SEMA6C: variants seen among roughly 807,000 people sequenced by gnomAD.
SEMA6C encodes semaphorin-6C.
A neutral mutation model predicts 72.9 loss-of-function variants in SEMA6C; 37 were observed. The observed-to-expected ratio is 0.51, with a 90% CI of 0.39 to 0.67. The LOEUF is 0.67. Among genes scored for constraint, SEMA6C ranks in the 30% least tolerant of loss-of-function variants. The probability of loss-of-function intolerance (pLI) is 0.00; values close to 1 mark genes in which losing one functional copy is unlikely to be tolerated. For missense variants in SEMA6C, 1,189 were observed against 1,263.6 expected, an observed-to-expected ratio of 0.94 and a Z score of 0.89; for synonymous variants, 578 against 554.1, an observed-to-expected ratio of 1.04 and a Z score of -0.61.
At chr1:151,142,839 C>T (rs915171071) in intron 2 of SEMA6C, among the ~76,000 whole-genome samples, 164 bp from the exon 3 acceptor site, 1 of 152,186 alleles carries the variant, frequency 6.6e-6, no homozygotes, top group Non-Finnish European at 1.5e-5. Flanking sequence ...GTCATTGTCA[C>T]TCAAGGCCCT....
chr1:151,133,650 C>A lies in SEMA6C; in HGVS notation c.1760-133G>T. On this transcript the variant is annotated intron_variant, in intron 18 of 18. Transcript: ENST00000368914. The surrounding 1 kb of genome is among the most constrained non-coding windows in gnomAD (Gnocchi z 5.9). ...CTGCTACTCAGCCTCACTCCTACAG[C>A]CTCCACCATCCTCAGGATTCACCTC... The A allele has an allele frequency of 7.3e-7, 1 of 1,368,598 alleles. No homozygotes were observed. The highest frequency in any genetic ancestry group is 1.5e-5 in the African/African-American group (1 of 67,830). The allele number at this position is 1,368,598 out of a possible 1,614,324, so 84.8% of individuals were successfully genotyped here. A position where few individuals can be genotyped will look rare whatever the true frequency, so the allele number is the denominator to read the frequency against.
Position 151,137,079 on chromosome 1 carries a change from G to A in SEMA6C, c.757-5C>T. The A allele has an allele frequency of 6.2e-7, 1 of 1,612,496 alleles. No homozygotes were observed. Among genetic ancestry groups the A allele is most frequent in the Non-Finnish European group, 8.5e-7 (1 of 1,179,638 alleles). ...GGCTACGCGGGAGAACTGCACCTAGGGGAGGAGAGTGGAGTAGACAATGGT... is the reference window on the plus strand; with the variant it reads ...GGCTACGCGGGAGAACTGCACCTAGAGGAGGAGAGTGGAGTAGACAATGGT... On this transcript the variant is annotated splice_region_variant and splice_polypyrimidine_tract_variant and intron_variant, in intron 10 of 18. Coordinates refer to ENST00000368914, the MANE Select transcript of SEMA6C (RefSeq NM_030913.6).
intron 3 of SEMA6C, among the ~76,000 whole-genome samples, chr1:151,140,998 GA>G (rs11409006): frequency 5.4e-5 from 8 of 147,446 alleles, no homozygotes; most frequent in African/African-American, 1.0e-4. Context: ...ACTCCGTCTC[GA>G]AAAAAAAAAA....
intron 6 of SEMA6C, 121 bp downstream of exon 6, chr1:151,139,304 C>T: frequency 1.2e-6 from 1 of 825,884 alleles, no homozygotes. Context: ...TTCTCATTTT[C>T]CCCTGTGGCC....
chr1:151,139,570 C>A, intron 5 of SEMA6C, 68 bp downstream of exon 5: 1 of 1,605,638 alleles, frequency 6.2e-7, no homozygotes, highest in Non-Finnish European at 8.5e-7. Flanking sequence ...TTCCCACCCA[C>A]CTGACCCACA....
chr1:151,141,073 T>A (rs1682506000), intron 3 of SEMA6C, among the ~76,000 whole-genome samples: 3 of 152,084 alleles, frequency 2.0e-5, no homozygotes, highest in Admixed American at 1.3e-4. Flanking sequence ...TATATATCCC[T>A]CAACAATTAC....
chr1:151,142,039 T>C (rs1010911380), intron 3 of SEMA6C, among the ~76,000 whole-genome samples: 3 of 122,818 alleles, frequency 2.4e-5, no homozygotes, highest in African/African-American at 6.0e-5. Flanking sequence ...TGAGAGTCCA[T>C]GTTCTTTTTT....
In SEMA6C at chr1:151,138,628, AC is replaced by A. The variant is rs1377023617; in HGVS notation, c.456+1del. The A allele has an allele frequency of 1.2e-6, 2 of 1,612,320 alleles. No individual in the cohort carries two copies. The highest frequency in any genetic ancestry group is 1.7e-6 in the Non-Finnish European group (2 of 1,178,688). ...TCCTAACCCCCACCCTCTCTTTTGT[AC>A]CCCATAGCTGCGGCACACAGGGCTG... is the stretch of plus-strand genomic sequence containing the variant. On this transcript the variant is annotated splice_donor_variant, in intron 7 of 18. Coordinates refer to ENST00000368914, the MANE Select transcript of SEMA6C (RefSeq NM_030913.6). LOFTEE classifies it high-confidence loss of function.
At chr1:151,134,296 G>A (rs1015178841) in intron 18 of SEMA6C, 105 bp downstream of exon 18, 8 of 1,163,412 alleles carry the variant, frequency 6.9e-6, no homozygotes, top group South Asian at 4.0e-5. Context: ...ACCCTTTTCC[G>A]ATACTCCCAG....
rs11204781 is a variant in SEMA6C at position 151,131,818 on chromosome 1, G to A, written c.*666C>T. The A allele has an allele frequency of 0.047, 7,669 of 164,692 alleles. 300 individuals are homozygous for A. Among genetic ancestry groups the A allele is most frequent in the African/African-American group, 0.1 (4,300 of 41,548 alleles). 10.2% of individuals were successfully genotyped at this position (164,692 alleles called of 1,614,324 possible). ...TTACCTCGATCTGGAAACGAGCTCC[G>A]AGGGCCTTCCCCAGCCTCAACTAAA... On this transcript the variant is annotated 3_prime_UTR_variant, in exon 19 of 19. Transcript: ENST00000368914.
intron 12 of SEMA6C, 106 bp from the exon 13 acceptor site, chr1:151,136,269 C>G (rs587723689): frequency 6.6e-7 from 1 of 1,517,690 alleles, no homozygotes; most frequent in African/African-American, 1.4e-5. Context: ...CTTGCTCCCC[C>G]TCCACACAGA....
At chr1:151,139,779 AC>A (rs1179960045) in intron 4 of SEMA6C, 78 bp from the exon 5 acceptor site, 4 of 1,420,762 alleles carry the variant, frequency 2.8e-6, no homozygotes, top group Non-Finnish European at 3.8e-6. Flanking sequence ...TCAGGGACAA[AC>A]AGTGCAGACC....
chr1:151,136,687 G>A (rs1682046291), intron 11 of SEMA6C, 108 bp from the exon 12 acceptor site: 5 of 1,463,968 alleles, frequency 3.4e-6, no homozygotes, highest in South Asian at 2.5e-5. Flanking sequence ...TAGAGACTGA[G>A]GAGGTGGGGC....
chr1:151,142,665 A>G lies in SEMA6C; in HGVS notation c.-44T>C. ...GGCCCCAGGGGGTGCCCCCTCACCCATAAGCCGGCCCTGAAAGGGGAGACA... is the reference window on the plus strand; with the variant it reads ...GGCCCCAGGGGGTGCCCCCTCACCCGTAAGCCGGCCCTGAAAGGGGAGACA... On this transcript the variant is annotated 5_prime_UTR_variant, in exon 3 of 19. The change abolishes an upstream ATG in the 5' untranslated region. Coordinates refer to ENST00000368914, the MANE Select transcript of SEMA6C (RefSeq NM_030913.6). 1.4e-6 allele frequency: 2 copies of G among 1,470,450 alleles called. No individual in the cohort carries two copies. Among genetic ancestry groups the G allele is most frequent in the Non-Finnish European group, 1.8e-6 (2 of 1,111,656 alleles). The allele number at this position is 1,470,450 out of a possible 1,614,324, so 91.1% of individuals were successfully genotyped here. A position where few individuals can be genotyped will look rare whatever the true frequency, so the allele number is the denominator to read the frequency against.
chr1:151,144,012 G>A (rs993436997), intron 2 of SEMA6C, among the ~76,000 whole-genome samples: 5 of 151,958 alleles, frequency 3.3e-5, no homozygotes, highest in African/African-American at 1.2e-4. Context: ...CTGACGTCAG[G>A]TGGGGCCTCA....
rs1228720397 is a variant in SEMA6C, at chr1:151,138,056, A to C, written c.597T>G (p.Ala199=). The C allele has an allele frequency of 6.2e-7, 1 of 1,614,082 alleles. No individual in the cohort carries two copies. The highest frequency in any genetic ancestry group is 8.5e-7 in the Non-Finnish European group (1 of 1,180,048). Residue 199 remains alanine (A), a synonymous_variant, in exon 9 of 19, where the codon GCT becomes GCG. Coordinates refer to ENST00000368914, the MANE Select transcript of SEMA6C (RefSeq NM_030913.6). ...GGGGCCCAAGGCTTCTGTAAACTAC[A>C]GCATCACTGGCCTGGAAATCCGCAG... ...ATAADFQASD[A]VVYRSLGPQP...
intron 3 of SEMA6C, among the ~76,000 whole-genome samples, 184 bp from the exon 4 acceptor site, chr1:151,140,274 G>T (rs1457162743): frequency 1.3e-5 from 2 of 152,140 alleles, no homozygotes; most frequent in African/African-American, 2.4e-5. Context: ...CACTTTACAC[G>T]CATTGTCTCA....
At chr1:151,135,511 C>T in intron 14 of SEMA6C, 80 bp downstream of exon 14, 35 of 1,523,014 alleles carry the variant, frequency 2.3e-5, no homozygotes, top group Non-Finnish European at 3.1e-5. Context: ...GTTGATGTTT[C>T]CAACCTATTC....
intron 7 of SEMA6C, 59 bp downstream of exon 7, chr1:151,138,571 C>T: frequency 3.9e-6 from 6 of 1,536,832 alleles, no homozygotes; most frequent in Non-Finnish European, 5.4e-6. Context: ...CCATCAAACC[C>T]ATTGCCCATC....
Sources: gnomAD v4.1 joint callset for allele counts (sites outside exome capture counted in the v4.1 genomes callset) on GRCh38, gnomAD v4.1.1 for gene constraint, Gnocchi (gnomAD v3.1) non-coding constraint, MANE v1.5 for transcripts, NCBI Gene and HGNC (gene_info 2026-07-23, HGNC 2026-07-21) for gene names.